The following MYO1E variants were observed in gnomAD, a reference collection of about 807,000 sequenced individuals.
MYO1E encodes the protein myosin IE.
A neutral mutation model predicts 151.1 loss-of-function variants in MYO1E; 68 were observed. The ratio of observed to expected loss-of-function variants is 0.45; its 90% CI spans 0.37 to 0.55. The LOEUF is 0.55. Among genes scored for constraint, MYO1E ranks in the 20% least tolerant of loss-of-function variants. The pLI is 0.00. For synonymous variants in MYO1E, 601 were observed against 501.7 expected (o/e 1.20, Z -2.64); for missense variants, 1,363 against 1,389.3 (o/e 0.98, Z 0.30).
chr15:59,209,046 C>T (rs2079859711), intron 13 of MYO1E, 198 bp from the exon 14 acceptor site: 5 of 659,412 alleles, frequency 7.6e-6, no homozygotes, highest in South Asian at 7.5e-5. Context: ...AGGGAGGAAA[C>T]TCCACTTTCC....
intron 14 of MYO1E, chr15:59,207,057 C>G: frequency 6.2e-7 from 1 of 1,614,206 alleles, no homozygotes; most frequent in East Asian, 2.2e-5. Flanking sequence ...TCCCGCTCAA[C>G]GGCACCTGGC....
intron 1 of MYO1E, among the ~76,000 whole-genome samples, chr15:59,337,585 C>G (rs573627859): frequency 6.6e-6 from 1 of 152,200 alleles, no homozygotes; most frequent in Non-Finnish European, 1.5e-5. Flanking sequence ...AATCCCAGCA[C>G]TTTGGGCAGC....
intron 5 of MYO1E, among the ~76,000 whole-genome samples, chr15:59,233,391 C>T (rs1333893806): frequency 1.3e-5 from 2 of 151,994 alleles, no homozygotes; most frequent in African/African-American, 2.4e-5. Flanking sequence ...ATCGGCCGGG[C>T]GCGGTGGCTC....
chr15:59,139,615 G>T (rs1368075441), intron 26 of MYO1E, among the ~76,000 whole-genome samples: 1 of 147,774 alleles, frequency 6.8e-6, no homozygotes, highest in Non-Finnish European at 1.5e-5. Flanking sequence ...TTACTCTGCA[G>T]ACGGCCCTCC....
At chr15:59,174,055 T>G in intron 20 of MYO1E, 71 bp downstream of exon 20, 1 of 1,521,054 alleles carries the variant, frequency 6.6e-7, no homozygotes, top group Non-Finnish European at 9.1e-7. Context: ...AAATGGAACT[T>G]AAAACTTCAC....
chr15:59,332,756 A>G (rs1282911336), intron 1 of MYO1E, among the ~76,000 whole-genome samples: 2 of 151,830 alleles, frequency 1.3e-5, no homozygotes, highest in African/African-American at 2.4e-5. Context: ...AGGTCTCACT[A>G]TGCTGTCCAG....
intron 1 of MYO1E, among the ~76,000 whole-genome samples, chr15:59,299,289 T>C (rs1404037865): frequency 6.6e-6 from 1 of 152,250 alleles, no homozygotes; most frequent in Non-Finnish European, 1.5e-5. Context: ...AAATTACTGG[T>C]AGTGCCCTCC....
chr15:59,153,497 G>T, intron 26 of MYO1E, 93 bp downstream of exon 26: 1 of 1,380,236 alleles, frequency 7.2e-7, no homozygotes, highest in Non-Finnish European at 1.0e-6. Context: ...TTAGAATCCT[G>T]TGTATTGACA....
intron 4 of MYO1E, among the ~76,000 whole-genome samples, chr15:59,249,961 T>C (rs563406183): frequency 7.6e-4 from 116 of 152,112 alleles, no homozygotes; most frequent in African/African-American, 2.6e-3. Flanking sequence ...AACCAGTTCC[T>C]TCACAGGTGA....
At position 59,133,066 on chromosome 15, in the gene MYO1E, T is replaced by C. The variant is rs1324670659; in HGVS notation, c.*4314A>G. On this transcript the variant is annotated 3_prime_UTR_variant, in exon 28 of 28. Transcript: ENST00000288235. The stretch of plus-strand genomic sequence containing the variant: ...AGACCATCACATTACTAAATATCTG[T>C]TGAATTGGAGAAAATGATTAAAAGC... The C allele has an allele frequency of 2.0e-5, 3 of 152,204 alleles. No homozygotes were observed. The highest frequency in any genetic ancestry group is 2.9e-5 in the Non-Finnish European group (2 of 68,038). The allele number at this position is 152,204 out of a possible 1,614,324, so 9.4% of individuals were successfully genotyped here. A position where few individuals can be genotyped will look rare whatever the true frequency, so the allele number is the denominator to read the frequency against.
At chr15:59,161,835 G>T (rs1354635465) in intron 23 of MYO1E, among the ~76,000 whole-genome samples, 1 of 152,124 alleles carries the variant, frequency 6.6e-6, no homozygotes, top group African/African-American at 2.4e-5. Context: ...ATATATGCCT[G>T]TATTATGCAA....
chr15:59,136,717 C>G lies in MYO1E; in HGVS notation c.*663G>C. 2.2e-6 allele frequency: 1 copy of G among 456,528 alleles called. No individual in the cohort carries two copies. Among genetic ancestry groups the G allele is most frequent in the South Asian group, 1.5e-5 (1 of 64,560 alleles). The allele number at this position is 456,528 out of a possible 1,614,324, so 28.3% of individuals were successfully genotyped here. On this transcript the variant is annotated 3_prime_UTR_variant, in exon 28 of 28. Coordinates refer to ENST00000288235, the MANE Select transcript of MYO1E (RefSeq NM_004998.4). Reference sequence around the variant, plus strand: ...CAAACCAATATGGGCCAGCCACATTCTAATTGAAGACCCAGAGAAAGCAAA... The same window carrying G: ...CAAACCAATATGGGCCAGCCACATTGTAATTGAAGACCCAGAGAAAGCAAA...
At chr15:59,221,549 C>G (rs549344666) in intron 9 of MYO1E, among the ~76,000 whole-genome samples, 21 of 152,194 alleles carry the variant, frequency 1.4e-4, no homozygotes, top group African/African-American at 4.8e-4. Context: ...AATGTATTAC[C>G]AAATGAACAA....
rs115951631 is a variant in MYO1E, at chr15:59,255,866, A to G, written c.332+418T>C. Among the ~76,000 whole-genome samples, 338 of 152,352 alleles carry G rather than the reference A, an allele frequency of 2.2e-3. 1 individual carries two copies. The highest frequency in any genetic ancestry group is 7.8e-3 in the African/African-American group (325 of 41,592). The stretch of plus-strand genomic sequence containing the variant: ...CCAGGATTCAGAGCCATGTCAGACT[A>G]GAGGGATTATGAAATGTGGCTACAG... On this transcript the variant is annotated intron_variant, in intron 4 of 27. Coordinates refer to ENST00000288235, the MANE Select transcript of MYO1E (RefSeq NM_004998.4).
At chr15:59,198,489 A>G (rs548299446) in intron 16 of MYO1E, among the ~76,000 whole-genome samples, 103 of 152,220 alleles carry the variant, frequency 6.8e-4, no homozygotes, top group African/African-American at 2.3e-3. Flanking sequence ...GAAGACCTCT[A>G]ATTTAATCTA....
chr15:59,277,407 T>C (rs2080325471), intron 1 of MYO1E, among the ~76,000 whole-genome samples: 1 of 151,932 alleles, frequency 6.6e-6, no homozygotes, highest in Non-Finnish European at 1.5e-5. Context: ...TAGCTGGGCA[T>C]GGTGGCATGA....
chr15:59,345,807 T>C (rs747596861), intron 1 of MYO1E, among the ~76,000 whole-genome samples: 1 of 152,196 alleles, frequency 6.6e-6, no homozygotes, highest in Non-Finnish European at 1.5e-5. Context: ...GAGTTATCCA[T>C]GGTTTAGACA....
chr15:59,238,741 T>C (rs2080081467), intron 4 of MYO1E, among the ~76,000 whole-genome samples: 2 of 151,922 alleles, frequency 1.3e-5, no homozygotes, highest in South Asian at 4.2e-4. Flanking sequence ...CTAGCTAATT[T>C]TTTAATTTTT....
intron 16 of MYO1E, among the ~76,000 whole-genome samples, chr15:59,200,080 A>T (rs983050801): frequency 1.3e-5 from 2 of 152,190 alleles, no homozygotes. Flanking sequence ...ACATCCCACA[A>T]TGGTGGCACT....
Sources: allele counts gnomAD v4.1 joint callset (sites outside exome capture counted in the v4.1 genomes callset), GRCh38; gene constraint gnomAD v4.1.1; transcripts MANE v1.5; gene names NCBI Gene and HGNC (gene_info 2026-07-23, HGNC 2026-07-21).